Variants in HCN1 observed in about 807,000 individuals in gnomAD.
The protein encoded by HCN1 is potassium/sodium hyperpolarization-activated cyclic nucleotide-gated channel 1.
A neutral mutation model predicts 78.9 loss-of-function variants in HCN1; 13 were observed. The observed-to-expected ratio is 0.16, with a 90% CI of 0.11 to 0.26. HCN1 has a LOEUF of 0.26. HCN1 is among the 10% of genes least tolerant of loss of function. The pLI is 1.00. For synonymous variants in HCN1, 552 were observed against 455.5 expected, an observed-to-expected ratio of 1.21 and a Z score of -2.70; for missense variants, 810 against 1,154.3, an observed-to-expected ratio of 0.70 and a Z score of 4.32.
chr5:45,539,672 A>G lies in HCN1; in HGVS notation c.850-77665T>C, dbSNP rs889052871. On this transcript the variant is annotated intron_variant, in intron 2 of 7. Transcript: ENST00000303230. ...AGAGCGAGACTCTGTCTCAAAAGAA[A>G]AGAAAGAAAACAATATTTTAAAAAA... is the stretch of plus-strand genomic sequence containing the variant. Among the ~76,000 whole-genome samples, 4 of 149,704 alleles carry G rather than the reference A, an allele frequency of 2.7e-5. No homozygotes were observed. In the East Asian group the frequency reaches 7.8e-4, roughly 29 times the overall value.
intron 2 of HCN1, among the ~76,000 whole-genome samples, chr5:45,496,263 T>C (rs2111716250): frequency 6.6e-6 from 1 of 151,868 alleles, no homozygotes; most frequent in East Asian, 1.9e-4. Flanking sequence ...CTATTGATTA[T>C]TGCCACAATT....
chr5:45,493,651 C>A (rs1256768800), intron 2 of HCN1, among the ~76,000 whole-genome samples: 1 of 150,942 alleles, frequency 6.6e-6, no homozygotes, highest in Non-Finnish European at 1.5e-5. Context: ...GCACAATGTG[C>A]AGGTTAGTTA....
Position 45,476,575 on chromosome 5 carries a change from A to G in HCN1, c.850-14568T>C, listed in dbSNP as rs190724963. On this transcript the variant is annotated intron_variant, in intron 2 of 7. Transcript: ENST00000303230. ...AGCATGGCCTTTAATTCCTCCTGAA[A>G]ACCTTCCCTGCATGCTTTGGGATTG... 3.7e-3 allele frequency among the ~76,000 whole-genome samples: 566 copies of G among 152,220 alleles called. 4 individuals are homozygous for G. Among genetic ancestry groups the G allele is most frequent in the African/African-American group, 0.013 (547 of 41,536 alleles).
chr5:45,350,822 C>T (rs1476628231), intron 5 of HCN1, among the ~76,000 whole-genome samples: 21 of 152,100 alleles, frequency 1.4e-4, no homozygotes, highest in Middle Eastern at 3.4e-3. Context: ...TTACAAGGGA[C>T]GTGAAGGACC....
intron 6 of HCN1, among the ~76,000 whole-genome samples, chr5:45,284,561 C>T (rs1290519059): frequency 2.0e-5 from 3 of 152,092 alleles, no homozygotes; most frequent in South Asian, 4.1e-4. Flanking sequence ...ACTGTGTTTT[C>T]TAACTATGTC....
intron 4 of HCN1, among the ~76,000 whole-genome samples, chr5:45,383,634 C>T (rs1358822351): frequency 6.6e-6 from 1 of 151,690 alleles, no homozygotes. Flanking sequence ...GCAGAGGTTG[C>T]GGTGAGCTGA....
At chr5:45,672,816 T>G (rs1746177469) in intron 1 of HCN1, among the ~76,000 whole-genome samples, 1 of 151,486 alleles carries the variant, frequency 6.6e-6, no homozygotes, top group African/African-American at 2.4e-5. Context: ...GTTTTATCTT[T>G]TTTTTTAAAT....
intron 6 of HCN1, among the ~76,000 whole-genome samples, chr5:45,291,391 C>A (rs907794679): frequency 6.6e-6 from 1 of 151,984 alleles, no homozygotes; most frequent in Non-Finnish European, 1.5e-5. Flanking sequence ...TTTTATAAAT[C>A]TTTCAACCTA....
chr5:45,325,806 G>A (rs1012627149), intron 5 of HCN1, among the ~76,000 whole-genome samples: 5 of 151,728 alleles, frequency 3.3e-5, no homozygotes, highest in Admixed American at 1.3e-4. Flanking sequence ...TGATTTCTCT[G>A]TCTCTAGTAG....
intron 2 of HCN1, among the ~76,000 whole-genome samples, chr5:45,495,298 C>T (rs1251352888): frequency 7.7e-6 from 1 of 129,864 alleles, no homozygotes; most frequent in Non-Finnish European, 1.6e-5. Context: ...TGTAGTTCTC[C>T]TTGAAGAGGT....
At chr5:45,644,749 T>C (rs1745512231) in intron 2 of HCN1, 1 of 166,930 alleles carries the variant, frequency 6.0e-6, no homozygotes, top group African/African-American at 2.4e-5. Flanking sequence ...ATGAATTCAA[T>C]GAAACTTCAA....
intron 5 of HCN1, among the ~76,000 whole-genome samples, chr5:45,312,170 T>C (rs1745863343): frequency 6.6e-6 from 1 of 152,180 alleles, no homozygotes; most frequent in South Asian, 2.1e-4. Context: ...TGGGTGAAGA[T>C]TTTTCTTATG....
At chr5:45,414,907 G>A (rs778486686) in intron 3 of HCN1, among the ~76,000 whole-genome samples, 1 of 151,920 alleles carries the variant, frequency 6.6e-6, no homozygotes, top group Non-Finnish European at 1.5e-5. Context: ...AACTATGCTT[G>A]TCTTTTGTGC....
intron 6 of HCN1, among the ~76,000 whole-genome samples, chr5:45,291,786 C>A (rs1014788854): frequency 2.0e-5 from 3 of 151,924 alleles, no homozygotes; most frequent in African/African-American, 4.8e-5. Context: ...AGCCTTTGTA[C>A]CCCAAAGTGC....
chr5:45,618,514 T>C (rs1744998530), intron 2 of HCN1, among the ~76,000 whole-genome samples: 1 of 152,094 alleles, frequency 6.6e-6, no homozygotes, highest in African/African-American at 2.4e-5. Context: ...AGATATTTGC[T>C]AGAGCAGTGA....
At chr5:45,536,985 A>G (rs910076364) in intron 2 of HCN1, among the ~76,000 whole-genome samples, 2 of 152,232 alleles carry the variant, frequency 1.3e-5, no homozygotes, top group Admixed American at 1.3e-4. Context: ...TTTCTAGGTC[A>G]GATGAAGTTT....
intron 1 of HCN1, among the ~76,000 whole-genome samples, chr5:45,685,221 A>G (rs1019115804): frequency 6.6e-6 from 1 of 152,208 alleles, no homozygotes; most frequent in African/African-American, 2.4e-5. Flanking sequence ...TGTAATACTT[A>G]ACTGATTTGA....
intron 4 of HCN1, among the ~76,000 whole-genome samples, chr5:45,373,742 T>C (rs1747498641): frequency 8.2e-6 from 1 of 122,680 alleles, no homozygotes; most frequent in East Asian, 2.4e-4. Context: ...TCATCTATAA[T>C]ATATTACATA....
chr5:45,491,631 T>A (rs1741888620), intron 2 of HCN1, among the ~76,000 whole-genome samples: 1 of 152,198 alleles, frequency 6.6e-6, no homozygotes, highest in South Asian at 2.1e-4. Context: ...AGTTTATGGG[T>A]GTGCTTTGTA....
Sources: gnomAD v4.1 joint callset for allele counts (sites outside exome capture counted in the v4.1 genomes callset) on GRCh38, gnomAD v4.1.1 for gene constraint, MANE v1.5 for transcripts, NCBI Gene and HGNC (gene_info 2026-07-23, HGNC 2026-07-21) for gene names.